DSCAM: variants seen among roughly 807,000 people sequenced by gnomAD.
DSCAM encodes the protein DS cell adhesion molecule, also known as cell adhesion molecule DSCAM.
In DSCAM, 47 loss-of-function variants were observed where a neutral mutation model predicts 217.7. The observed-to-expected ratio is 0.22, with a 90% CI of 0.17 to 0.28. The LOEUF (loss-of-function observed/expected upper bound fraction) is 0.28. Among genes scored for constraint, DSCAM ranks in the 10% least tolerant of loss-of-function variants. The pLI, the probability that DSCAM is intolerant of heterozygous loss-of-function variation, is 1.00. For missense variants in DSCAM, 2,080 were observed against 2,618.3 expected (o/e 0.79, Z 4.49); for synonymous variants, 1,056 against 1,015.3 (o/e 1.04, Z -0.76).
At chr21:40,363,825 A>T (rs1275814756) in intron 4 of DSCAM, among the ~76,000 whole-genome samples, 6 of 152,198 alleles carry the variant, frequency 3.9e-5, no homozygotes, top group Admixed American at 1.3e-4. Flanking sequence ...ACTCAAACAA[A>T]TTTACAAGAA....
chr21:40,770,814 A>G (rs2091437587), intron 1 of DSCAM, among the ~76,000 whole-genome samples: 1 of 152,284 alleles, frequency 6.6e-6, no homozygotes, highest in African/African-American at 2.4e-5. Context: ...AGAGCTTCAA[A>G]GCCTGAGATA....
chr21:40,282,946 G>A (rs2073782480), intron 10 of DSCAM, among the ~76,000 whole-genome samples: 1 of 152,148 alleles, frequency 6.6e-6, no homozygotes, highest in Non-Finnish European at 1.5e-5. Context: ...AGTTTCAAAT[G>A]CATTTAAGAA....
intron 26 of DSCAM, among the ~76,000 whole-genome samples, chr21:40,075,611 G>T (rs1171873661): frequency 2.0e-5 from 3 of 152,170 alleles, no homozygotes; most frequent in Admixed American, 1.3e-4. Flanking sequence ...TGAACAAAAG[G>T]TTGGGCAAAT....
intron 3 of DSCAM, among the ~76,000 whole-genome samples, chr21:40,684,193 C>G (rs1235421124): frequency 2.6e-5 from 4 of 151,770 alleles, no homozygotes; most frequent in African/African-American, 4.8e-5. Flanking sequence ...TCACTGCACT[C>G]CAGCCTGGGT....
chr21:40,167,835 C>T (rs773515603), intron 15 of DSCAM, among the ~76,000 whole-genome samples: 1 of 152,074 alleles, frequency 6.6e-6, no homozygotes, highest in South Asian at 2.1e-4. Flanking sequence ...GGGAGGCCGA[C>T]GCGGGCAATC....
chr21:40,664,701 G>A lies in DSCAM; in HGVS notation c.508+28109C>T, dbSNP rs138101430. ...CTTCCTTGTCAGATTGTCAGACAGT[G>A]TCCTGAAAATAAGGGACAACAGTGG... is the stretch of plus-strand genomic sequence containing the variant. On this transcript the variant is annotated intron_variant, in intron 3 of 32. Transcript: ENST00000400454. Among the ~76,000 whole-genome samples the A allele has an allele frequency of 4.5e-3, 691 of 152,306 alleles. 10 individuals carry two copies. The highest frequency in any genetic ancestry group is 0.042 in the East Asian group (217 of 5,166).
intron 1 of DSCAM, among the ~76,000 whole-genome samples, chr21:40,717,918 G>A (rs2146501021): frequency 6.6e-6 from 1 of 152,304 alleles, no homozygotes; most frequent in East Asian, 1.9e-4. Context: ...GACAGGGAGA[G>A]AAGACTGCAG....
At position 40,524,785 on chromosome 21, in the gene DSCAM, C is replaced by A. The variant is rs146525188; in HGVS notation, c.509-155540G>T. On this transcript the variant is annotated intron_variant, in intron 3 of 32. Coordinates refer to ENST00000400454, the MANE Select transcript of DSCAM (RefSeq NM_001389.5). ...CAGCATTTTGGGAGGACGAGGTGGG[C>A]GGATCATGAGGTCAGGAGTTCAAGA... Among the ~76,000 whole-genome samples, 355 of 151,796 alleles carry A rather than the reference C, an allele frequency of 2.3e-3. 1 individual carries two copies. The highest frequency in any genetic ancestry group is 8.2e-3 in the African/African-American group (341 of 41,408).
chr21:40,687,202 C>T (rs766626927), intron 3 of DSCAM, among the ~76,000 whole-genome samples: 67 of 152,150 alleles, frequency 4.4e-4, no homozygotes, highest in Non-Finnish European at 6.0e-4. Context: ...TTTGGTCCCA[C>T]GAATTTCTTT....
chr21:40,615,149 CA>C (rs2089372106), intron 3 of DSCAM, among the ~76,000 whole-genome samples: 1 of 151,224 alleles, frequency 6.6e-6, no homozygotes, highest in Non-Finnish European at 1.5e-5. Flanking sequence ...ACTAAAAATA[CA>C]AAAATTAGCC....
At chr21:40,422,893 T>A (rs1419126834) in intron 3 of DSCAM, among the ~76,000 whole-genome samples, 1 of 152,224 alleles carries the variant, frequency 6.6e-6, no homozygotes, top group Non-Finnish European at 1.5e-5. Context: ...TCTATCCACA[T>A]AGAATACTAT....
At chr21:40,211,604 A>G (rs2091184610) in intron 11 of DSCAM, among the ~76,000 whole-genome samples, 1 of 152,182 alleles carries the variant, frequency 6.6e-6, no homozygotes, top group Non-Finnish European at 1.5e-5. Context: ...CCAGGCATGC[A>G]TTTTTGATGT....
At chr21:40,685,489 T>C (rs1049328336) in intron 3 of DSCAM, among the ~76,000 whole-genome samples, 3 of 152,086 alleles carry the variant, frequency 2.0e-5, no homozygotes, top group African/African-American at 7.2e-5. Flanking sequence ...GGCCACTGAG[T>C]CTCCAGGAGC....
chr21:40,030,492 T>A (rs2088500183), intron 32 of DSCAM, among the ~76,000 whole-genome samples: 1 of 152,112 alleles, frequency 6.6e-6, no homozygotes, highest in African/African-American at 2.4e-5. Context: ...CCTGCAAAGA[T>A]CCTTCTGGTG....
intron 3 of DSCAM, among the ~76,000 whole-genome samples, chr21:40,580,960 T>C (rs1449795587): frequency 6.6e-6 from 1 of 152,116 alleles, no homozygotes; most frequent in African/African-American, 2.4e-5. Flanking sequence ...GCGAGAAGAA[T>C]GCAGTAAACT....
At chr21:40,305,996 G>T (rs923123686) in intron 9 of DSCAM, among the ~76,000 whole-genome samples, 1 of 152,044 alleles carries the variant, frequency 6.6e-6, no homozygotes, top group Non-Finnish European at 1.5e-5. Context: ...TTGGTAGCTT[G>T]ATGGGGATGG....
intron 3 of DSCAM, among the ~76,000 whole-genome samples, chr21:40,549,036 T>C (rs35974117): frequency 0.07 from 10,617 of 152,162 alleles, 415 homozygotes; most frequent in East Asian, 0.11. Context: ...AAACCCCATC[T>C]CTACCAAAAA....
Position 40,604,858 on chromosome 21 carries a change from GTTTA to G in DSCAM, c.508+87948_508+87951del, listed in dbSNP as rs367637644. 2.2e-4 allele frequency among the ~76,000 whole-genome samples: 33 copies of G among 152,278 alleles called. No homozygotes were observed. In the East Asian group the frequency reaches 6.0e-3, roughly 28 times the overall value. ...ACTTTCAGATGTGCTTTGTGGTTGT[GTTTA>G]TTTGTTTGTTTGTTTTTTAGCTTTT... On this transcript the variant is annotated intron_variant, in intron 3 of 32. Coordinates refer to ENST00000400454, the MANE Select transcript of DSCAM (RefSeq NM_001389.5).
intron 3 of DSCAM, among the ~76,000 whole-genome samples, chr21:40,487,324 TGTGAGAGAGAGAGAGA>T (rs1168261607): frequency 5.3e-5 from 4 of 76,114 alleles, no homozygotes; most frequent in African/African-American, 1.6e-4. Flanking sequence ...TGTGTGTGTG[TGTGAGAGAGAGAGAGA>T]GAGAGAGAGA....
Sources: allele counts gnomAD v4.1 joint callset (sites outside exome capture counted in the v4.1 genomes callset), GRCh38; gene constraint gnomAD v4.1.1; transcripts MANE v1.5; gene names NCBI Gene and HGNC (gene_info 2026-07-23, HGNC 2026-07-21).